Variants in CTDSPL observed in about 807,000 individuals in gnomAD.
CTDSPL encodes the protein CTD small phosphatase like.
Under a neutral mutation model 30.5 loss-of-function variants are expected in CTDSPL, and 8 were observed. That is an observed-to-expected ratio of 0.26 (90% CI 0.15 to 0.47). The LOEUF is 0.47. CTDSPL is among the 20% of genes least tolerant of loss of function. CTDSPL has a pLI of 0.99. For synonymous variants in CTDSPL, 110 were observed against 137.9 expected (o/e 0.80, Z 1.42); for missense variants, 248 against 366.1 (o/e 0.68, Z 2.63).
rs562242505 is a variant in CTDSPL at position 37,865,087 on chromosome 3, C to A, written c.79+2809C>A. Among the ~76,000 whole-genome samples, 3 of 152,346 alleles carry A rather than the reference C, an allele frequency of 2.0e-5. No homozygotes were observed. The South Asian group carries it at 6.2e-4, about 32-fold the overall frequency. On this transcript the variant is annotated intron_variant, in intron 1 of 7. Coordinates refer to ENST00000273179, the MANE Select transcript of CTDSPL (RefSeq NM_001008392.2). The stretch of plus-strand genomic sequence containing the variant: ...CACCAAGTTGAATTACTTCTTGACA[C>A]ATTGCCACGTGGTGGTGCACAACTC...
At chr3:37,897,550 T>C (rs1305375206) in intron 1 of CTDSPL, among the ~76,000 whole-genome samples, 1 of 152,216 alleles carries the variant, frequency 6.6e-6, no homozygotes, top group Non-Finnish European at 1.5e-5. Context: ...ATCTTTCTAT[T>C]ATCTCTGATG....
intron 6 of CTDSPL, 90 bp downstream of exon 6, chr3:37,971,589 T>C: frequency 1.6e-6 from 2 of 1,218,744 alleles, no homozygotes; most frequent in Non-Finnish European, 2.4e-6. Flanking sequence ...CCCTTTGTTT[T>C]GGTGGGGGAA....
chr3:37,964,446 A>T (rs770719007), intron 3 of CTDSPL, 125 bp from the exon 4 acceptor site: 44 of 599,952 alleles, frequency 7.3e-5, no homozygotes, highest in Non-Finnish European at 1.2e-4. Flanking sequence ...ACTTATTCCT[A>T]TTGTTCTTAA....
chr3:37,882,441 C>CAAA lies in CTDSPL; in HGVS notation c.79+20179_79+20181dup, dbSNP rs35235848. Among the ~76,000 whole-genome samples, 121 of 120,892 alleles carry CAAA rather than the reference C, an allele frequency of 1.0e-3. 1 individual carries two copies. Among genetic ancestry groups the CAAA allele is most frequent in the African/African-American group, 3.6e-3 (112 of 31,180 alleles). 79.3% of individuals were successfully genotyped at this position (120,892 alleles called of 152,430 possible). On this transcript the variant is annotated intron_variant, in intron 1 of 7. Transcript: ENST00000273179. Reference sequence around the variant, plus strand: ...TGGGTGACAGAGCAAGACTCTAACTCAAAAAAAAAAAAAAAAAATTCAAAA... The same window carrying CAAA: ...TGGGTGACAGAGCAAGACTCTAACTCAAAAAAAAAAAAAAAAAAAAATTCAAAA...
intron 3 of CTDSPL, among the ~76,000 whole-genome samples, chr3:37,959,587 G>GT (rs370649921): frequency 8.4e-4 from 128 of 152,268 alleles, no homozygotes; most frequent in African/African-American, 2.9e-3. Flanking sequence ...CCAAATATTA[G>GT]TAGGTATATA....
rs992826232 is a variant in CTDSPL at position 37,862,331 on chromosome 3, C to T, written c.79+53C>T. The T allele has an allele frequency of 2.5e-5, 35 of 1,394,914 alleles. No individual in the cohort carries two copies. The highest frequency in any genetic ancestry group is 2.6e-4 in the Middle Eastern group (1 of 3,810). 86.4% of individuals were successfully genotyped at this position (1,394,914 alleles called of 1,614,324 possible). A position where few individuals can be genotyped will look rare whatever the true frequency, so the allele number is the denominator to read the frequency against. The stretch of plus-strand genomic sequence containing the variant: ...CTGGGGGCGAGCGCACACCCCGCGC[C>T]GCTGGAGTTCACTGCCGGGCGCCGG... On this transcript the variant is annotated intron_variant, in intron 1 of 7. Transcript: ENST00000273179. The surrounding 1 kb of genome is among the most constrained non-coding windows in gnomAD (Gnocchi z 4.3).
chr3:37,941,512 C>T (rs1276158118), intron 1 of CTDSPL, among the ~76,000 whole-genome samples: 1 of 148,326 alleles, frequency 6.7e-6, no homozygotes, highest in Non-Finnish European at 1.5e-5. Flanking sequence ...GCCTCGGCCT[C>T]CTGAGTAGCT....
chr3:37,928,063 T>C, intron 1 of CTDSPL, among the ~76,000 whole-genome samples: 1 of 152,222 alleles, frequency 6.6e-6, no homozygotes, highest in East Asian at 1.9e-4. Flanking sequence ...CTGTGGCACG[T>C]GTCAAAATTT....
chr3:37,887,014 C>G (rs1416202726), intron 1 of CTDSPL, among the ~76,000 whole-genome samples: 2 of 152,188 alleles, frequency 1.3e-5, no homozygotes, highest in Non-Finnish European at 2.9e-5. Context: ...CCTGTGGACA[C>G]TGAAGCTTTT....
chr3:37,957,302 A>G (rs1340505246), intron 3 of CTDSPL, among the ~76,000 whole-genome samples, 159 bp downstream of exon 3: 2 of 152,160 alleles, frequency 1.3e-5, no homozygotes, highest in Admixed American at 1.3e-4. Flanking sequence ...CTGAAGCTGC[A>G]TTTTAAACTG....
At chr3:37,914,976 C>G (rs1575296082) in intron 1 of CTDSPL, among the ~76,000 whole-genome samples, 1 of 147,712 alleles carries the variant, frequency 6.8e-6, no homozygotes, top group Non-Finnish European at 1.5e-5. Context: ...CAACCTCCTC[C>G]TGCCCTCCAG....
intron 1 of CTDSPL, among the ~76,000 whole-genome samples, chr3:37,940,037 TG>T (rs1698960363): frequency 6.7e-6 from 1 of 149,464 alleles, no homozygotes; most frequent in Admixed American, 6.7e-5. Flanking sequence ...GGTTGCAGTG[TG>T]CCGAGATCGC....
At chr3:37,920,635 A>G (rs62239981) in intron 1 of CTDSPL, among the ~76,000 whole-genome samples, 1 of 152,286 alleles carries the variant, frequency 6.6e-6, no homozygotes, top group Admixed American at 6.5e-5. Context: ...AGAGCCAGGC[A>G]CTAATGATAT....
At position 37,983,754 on chromosome 3, in the gene CTDSPL, C is replaced by G. The variant is rs750611740; in HGVS notation, c.*2887C>G. On this transcript the variant is annotated 3_prime_UTR_variant, in exon 8 of 8. Coordinates refer to ENST00000273179, the MANE Select transcript of CTDSPL (RefSeq NM_001008392.2). Reference sequence around the variant, plus strand: ...GTTAATGCTCTGTCTTCCATTTGTTCTGGAATCCTACGTGTTGGTCTGTGG... The same window carrying G: ...GTTAATGCTCTGTCTTCCATTTGTTGTGGAATCCTACGTGTTGGTCTGTGG... 5.6e-5 allele frequency: 9 copies of G among 159,654 alleles called. No individual in the cohort carries two copies. The highest frequency in any genetic ancestry group is 1.3e-4 in the Non-Finnish European group (9 of 71,784). 9.9% of individuals were successfully genotyped at this position (159,654 alleles called of 1,614,324 possible). A position where few individuals can be genotyped will look rare whatever the true frequency, so the allele number is the denominator to read the frequency against.
intron 1 of CTDSPL, among the ~76,000 whole-genome samples, chr3:37,894,409 GT>G (rs962171158): frequency 6.6e-6 from 1 of 151,176 alleles, no homozygotes; most frequent in Non-Finnish European, 1.5e-5. Flanking sequence ...GCCCAGCCAA[GT>G]TTTTTTTTCC....
intron 4 of CTDSPL, among the ~76,000 whole-genome samples, chr3:37,964,907 T>C (rs1189618479): frequency 6.6e-6 from 1 of 152,180 alleles, no homozygotes; most frequent in African/African-American, 2.4e-5. Context: ...GGGACCTCAT[T>C]CTTAGGAGGT....
chr3:37,917,096 T>A (rs1238915418), intron 1 of CTDSPL, among the ~76,000 whole-genome samples: 1 of 152,178 alleles, frequency 6.6e-6, no homozygotes, highest in Admixed American at 6.5e-5. Context: ...GACAGAATAT[T>A]TTATTGAATG....
chr3:37,949,336 G>T (rs1371868472), intron 2 of CTDSPL, among the ~76,000 whole-genome samples: 2 of 152,086 alleles, frequency 1.3e-5, no homozygotes, highest in Non-Finnish European at 2.9e-5. Flanking sequence ...ACATAATTAT[G>T]AATGTGCAAA....
chr3:37,896,061 G>T (rs950399944), intron 1 of CTDSPL, among the ~76,000 whole-genome samples: 3 of 152,164 alleles, frequency 2.0e-5, no homozygotes, highest in African/African-American at 7.2e-5. Context: ...AGAAAAATGT[G>T]TTATGAACAC....
Sources: allele counts gnomAD v4.1 joint callset (sites outside exome capture counted in the v4.1 genomes callset), GRCh38; gene constraint gnomAD v4.1.1; non-coding constraint Gnocchi (gnomAD v3.1); transcripts MANE v1.5; gene names NCBI Gene and HGNC (gene_info 2026-07-23, HGNC 2026-07-21).